ATOSA: variants seen among roughly 807,000 people sequenced by gnomAD.
The protein encoded by ATOSA is atos homolog A, also known as atos homolog protein A.
chr15:52,632,774 T>C, the ATOSA span, among the ~76,000 whole-genome samples: 1 of 152,198 alleles, frequency 6.6e-6, no homozygotes, highest in Non-Finnish European at 1.5e-5. Flanking sequence ...TATGAAATTA[T>C]TGATTTCATG....
the ATOSA span, among the ~76,000 whole-genome samples, chr15:52,623,306 AT>A: frequency 2.0e-5 from 3 of 152,148 alleles, no homozygotes; most frequent in African/African-American, 7.2e-5. Flanking sequence ...TAAAATGTAC[AT>A]TTAAAAATGA....
the ATOSA span, chr15:52,585,947 C>T: frequency 6.6e-6 from 1 of 152,206 alleles, no homozygotes; most frequent in Admixed American, 6.5e-5. Flanking sequence ...TCAACAACCA[C>T]ACCTCATAAG....
chr15:52,593,538 T>C, the ATOSA span: 2,775 of 1,507,338 alleles, frequency 1.8e-3, 17 homozygotes, highest in East Asian at 0.024. Context: ...ATTAAGTTGG[T>C]TGATTTGGCA....
the ATOSA span, among the ~76,000 whole-genome samples, chr15:52,688,660 A>G: frequency 6.6e-6 from 1 of 152,240 alleles, no homozygotes; most frequent in African/African-American, 2.4e-5. Context: ...ACAGAAAAAG[A>G]TTCTGCTCTG....
the ATOSA span, among the ~76,000 whole-genome samples, chr15:52,614,614 G>A: frequency 4.0e-5 from 6 of 151,808 alleles, no homozygotes; most frequent in African/African-American, 1.5e-4. Flanking sequence ...TTGGGAGGCC[G>A]AGGTGGGCAG....
chr15:52,646,843 T>C, the ATOSA span, among the ~76,000 whole-genome samples: 2 of 152,164 alleles, frequency 1.3e-5, no homozygotes, highest in South Asian at 4.1e-4. Context: ...TATAGATGTG[T>C]TTTTCCCCCT....
At chr15:52,589,257 A>G in the ATOSA span, among the ~76,000 whole-genome samples, 1 of 152,220 alleles carries the variant, frequency 6.6e-6, no homozygotes, top group Non-Finnish European at 1.5e-5. Context: ...TTTTTTTTAA[A>G]TGAGCAGAGT....
chr15:52,582,256 G>A, the ATOSA span: 1 of 1,602,126 alleles, frequency 6.2e-7, no homozygotes, highest in Non-Finnish European at 8.5e-7. Flanking sequence ...TAGAGAACAG[G>A]AGCCGTACGT....
At chr15:52,608,351 A>G in the ATOSA span, among the ~76,000 whole-genome samples, 30 of 152,284 alleles carry the variant, frequency 2.0e-4, no homozygotes, top group Non-Finnish European at 1.6e-4. Context: ...TTTAAACAGC[A>G]TGATCTTTAT....
At chr15:52,697,992 T>G in the ATOSA span, among the ~76,000 whole-genome samples, 1 of 117,834 alleles carries the variant, frequency 8.5e-6, no homozygotes, top group Non-Finnish European at 1.7e-5. Flanking sequence ...TTTTTTTTTT[T>G]GTGAGACAGA....
At chr15:52,639,315 T>C in the ATOSA span, among the ~76,000 whole-genome samples, 2 of 152,344 alleles carry the variant, frequency 1.3e-5, no homozygotes, top group Admixed American at 6.5e-5. Flanking sequence ...ACAGTTCTCA[T>C]AGTAACTGAC....
the ATOSA span, among the ~76,000 whole-genome samples, chr15:52,621,718 C>T: frequency 6.6e-6 from 1 of 152,170 alleles, no homozygotes; most frequent in African/African-American, 2.4e-5. Context: ...GTGCCTTTCA[C>T]CTTCTGCCAT....
the ATOSA span, among the ~76,000 whole-genome samples, chr15:52,595,544 G>GAA: frequency 8.4e-6 from 1 of 119,102 alleles, no homozygotes. Context: ...AGTATGACAA[G>GAA]AAAAAAAAAA....
At chr15:52,638,808 G>C in the ATOSA span, among the ~76,000 whole-genome samples, 1 of 151,748 alleles carries the variant, frequency 6.6e-6, no homozygotes, top group African/African-American at 2.4e-5. Flanking sequence ...GGGTTTTGCT[G>C]AGAACATAAA....
chr15:52,625,089 G>C, the ATOSA span, among the ~76,000 whole-genome samples: 2,265 of 152,024 alleles, frequency 0.015, 58 homozygotes, highest in African/African-American at 0.053. Context: ...ATGTGTACCT[G>C]TTTTAAGTGA....
the ATOSA span, among the ~76,000 whole-genome samples, chr15:52,667,296 C>T: frequency 6.6e-6 from 1 of 152,120 alleles, no homozygotes; most frequent in Non-Finnish European, 1.5e-5. Flanking sequence ...TTATCATATT[C>T]TTATGGCATA....
At chr15:52,603,220 T>C in the ATOSA span, among the ~76,000 whole-genome samples, 1 of 152,102 alleles carries the variant, frequency 6.6e-6, no homozygotes, top group Non-Finnish European at 1.5e-5. Context: ...CCAACAGATA[T>C]ATGAAAAAAT....
chr15:52,587,377 C>T, the ATOSA span: 1 of 598,138 alleles, frequency 1.7e-6, no homozygotes, highest in Non-Finnish European at 2.8e-6. Flanking sequence ...ATGTTTCTAC[C>T]CCTAAGGAAA....
the ATOSA span, among the ~76,000 whole-genome samples, chr15:52,630,730 G>A: frequency 5.8e-4 from 88 of 152,192 alleles, no homozygotes; most frequent in African/African-American, 2.0e-3. Context: ...ACTAATATAA[G>A]AATGTTCAAA....
Sources: allele counts gnomAD v4.1 joint callset (sites outside exome capture counted in the v4.1 genomes callset), GRCh38; gene constraint gnomAD v4.1.1; transcripts MANE v1.5; gene names NCBI Gene and HGNC (gene_info 2026-07-23, HGNC 2026-07-21).